NGEF: variants seen among roughly 807,000 people sequenced by gnomAD.
NGEF encodes neuronal guanine nucleotide exchange factor, also known as ephexin-1.
NGEF carries 31 observed loss-of-function variants against 80.9 expected under a neutral mutation model. The ratio of observed to expected loss-of-function variants is 0.38; its 90% CI spans 0.29 to 0.52. The LOEUF is 0.52. NGEF is among the 20% of genes least tolerant of loss of function. NGEF has a pLI of 0.84. For missense variants in NGEF, 709 were observed against 926.2 expected (o/e 0.77, Z 3.04); for synonymous variants, 371 against 370.2 (o/e 1.00, Z -0.03).
At chr2:232,899,760 T>G (rs1692226379) in intron 5 of NGEF, among the ~76,000 whole-genome samples, 1 of 142,726 alleles carries the variant, frequency 7.0e-6, no homozygotes, top group Non-Finnish European at 1.5e-5. Context: ...ACACGTGCTC[T>G]CACAGTCACT....
intron 4 of NGEF, among the ~76,000 whole-genome samples, chr2:232,923,007 T>C (rs1692976915): frequency 6.6e-6 from 1 of 151,582 alleles, no homozygotes; most frequent in African/African-American, 2.4e-5. Flanking sequence ...GGGGCGGAGG[T>C]TGCAGTGAGC....
intron 1 of NGEF, among the ~76,000 whole-genome samples, chr2:232,981,898 G>A (rs1694437326): frequency 6.6e-6 from 1 of 152,208 alleles, no homozygotes; most frequent in Non-Finnish European, 1.5e-5. Flanking sequence ...TCGGGAACAG[G>A]CCCCTCTAGG....
chr2:232,996,959 T>C (rs1694865139), intron 1 of NGEF, among the ~76,000 whole-genome samples: 2 of 152,220 alleles, frequency 1.3e-5, no homozygotes, highest in South Asian at 4.1e-4. Context: ...CCACTCGAAG[T>C]CACTGCTCCC....
intron 3 of NGEF, among the ~76,000 whole-genome samples, chr2:232,937,978 C>T (rs1693361899): frequency 6.6e-6 from 1 of 152,090 alleles, no homozygotes; most frequent in African/African-American, 2.4e-5. Flanking sequence ...GGATGTGTTG[C>T]TCTGGTGGAC....
chr2:232,963,738 T>G (rs1694000632), intron 3 of NGEF, among the ~76,000 whole-genome samples: 1 of 151,868 alleles, frequency 6.6e-6, no homozygotes. Flanking sequence ...TGCTTGAACC[T>G]GGGAGGCAAG....
chr2:232,923,819 C>T (rs1016509240), intron 4 of NGEF, among the ~76,000 whole-genome samples: 1 of 152,136 alleles, frequency 6.6e-6, no homozygotes, highest in Admixed American at 6.5e-5. Flanking sequence ...GCTGGTGTCC[C>T]CCCAGATTCG....
intron 2 of NGEF, among the ~76,000 whole-genome samples, chr2:232,971,238 G>T (rs1694176955): frequency 6.6e-6 from 1 of 152,226 alleles, no homozygotes; most frequent in Non-Finnish European, 1.5e-5. Context: ...AGCCCATTTT[G>T]TCTGCTCCTT....
chr2:232,938,599 G>A (rs771570288), intron 3 of NGEF, among the ~76,000 whole-genome samples: 4 of 151,942 alleles, frequency 2.6e-5, no homozygotes, highest in African/African-American at 9.7e-5. Context: ...GCACCTAAGG[G>A]GTAAATACTA....
intron 5 of NGEF, among the ~76,000 whole-genome samples, chr2:232,909,472 C>T (rs78792166): frequency 1.5e-3 from 231 of 152,066 alleles, no homozygotes; most frequent in African/African-American, 5.4e-3. Flanking sequence ...GACAGATCTG[C>T]GTTTTAATAT....
chr2:232,887,790 A>G (rs1012584512), intron 9 of NGEF, among the ~76,000 whole-genome samples: 2 of 152,174 alleles, frequency 1.3e-5, no homozygotes, highest in Non-Finnish European at 2.9e-5. Context: ...GCACAGTAAC[A>G]AGACAGGCGG....
chr2:232,940,349 G>A (rs182746101), intron 3 of NGEF, among the ~76,000 whole-genome samples: 73 of 152,324 alleles, frequency 4.8e-4, no homozygotes, highest in Non-Finnish European at 7.6e-4. Flanking sequence ...TCGCCAAGGC[G>A]TGGAATTCAC....
intron 14 of NGEF, among the ~76,000 whole-genome samples, chr2:232,880,305 CAG>C (rs1007668904): frequency 1.3e-5 from 2 of 152,214 alleles, no homozygotes; most frequent in Non-Finnish European, 2.9e-5. Context: ...GGTCTTTGCT[CAG>C]AGTTTGTGGC....
At chr2:232,967,046 C>A (rs1694075010) in intron 3 of NGEF, among the ~76,000 whole-genome samples, 1 of 152,054 alleles carries the variant, frequency 6.6e-6, no homozygotes, top group African/African-American at 2.4e-5. Context: ...AAATGTAATC[C>A]CCAATGCCTG....
chr2:232,952,144 A>T (rs756994673), intron 3 of NGEF, among the ~76,000 whole-genome samples: 15 of 152,248 alleles, frequency 9.9e-5, no homozygotes, highest in Non-Finnish European at 1.9e-4. Context: ...GAGACCTGGT[A>T]TGTACTCGCC....
chr2:233,001,026 G>C (rs901265830), intron 1 of NGEF, among the ~76,000 whole-genome samples: 5 of 152,142 alleles, frequency 3.3e-5, no homozygotes, highest in Admixed American at 1.3e-4. Flanking sequence ...CCCCTTCCTT[G>C]GGAGCTGCCT....
chr2:232,953,089 G>A (rs1348762808), intron 3 of NGEF, among the ~76,000 whole-genome samples: 2 of 151,268 alleles, frequency 1.3e-5, no homozygotes, highest in Non-Finnish European at 2.9e-5. Flanking sequence ...AGATCACGAG[G>A]TCAGATGTTC....
intron 3 of NGEF, among the ~76,000 whole-genome samples, chr2:232,943,687 G>A (rs921970095): frequency 2.0e-5 from 3 of 151,034 alleles, no homozygotes; most frequent in Admixed American, 6.6e-5. Context: ...AGTAGAGACG[G>A]GGTTTCACTG....
intron 3 of NGEF, among the ~76,000 whole-genome samples, chr2:232,939,904 G>C (rs1196947382): frequency 6.6e-6 from 1 of 152,018 alleles, no homozygotes; most frequent in African/African-American, 2.4e-5. Context: ...GGCTGAGGCA[G>C]GAGAATCGCT....
chr2:232,879,858 T>C (rs143461460), intron 14 of NGEF, among the ~76,000 whole-genome samples, 179 bp from the exon 15 acceptor site: 3 of 152,134 alleles, frequency 2.0e-5, no homozygotes, highest in Non-Finnish European at 2.9e-5. Context: ...GTCACCCCCA[T>C]AAGCTGGGAG....
Sources: allele counts gnomAD v4.1 joint callset (sites outside exome capture counted in the v4.1 genomes callset), GRCh38; gene constraint gnomAD v4.1.1; transcripts MANE v1.5; gene names NCBI Gene and HGNC (gene_info 2026-07-23, HGNC 2026-07-21).